GLRA2: variants seen among roughly 807,000 people sequenced by gnomAD.
GLRA2 encodes the protein glycine receptor subunit alpha-2.
A neutral mutation model predicts 31.6 loss-of-function variants in GLRA2; 11 were observed. The ratio of observed to expected loss-of-function variants is 0.35; its 90% CI spans 0.22 to 0.58. The LOEUF is 0.58. Among genes scored for constraint, GLRA2 ranks in the 20% least tolerant of loss-of-function variants. GLRA2 has a pLI of 0.84. For synonymous variants in GLRA2, 132 were observed against 134.0 expected (o/e 0.99, Z 0.10); for missense variants, 212 against 351.8 (o/e 0.60, Z 3.18).
the GLRA2 span, among the ~76,000 whole-genome samples, chrX:14,522,574 T>C: frequency 8.9e-6 from 1 of 112,443 alleles, no homozygotes; most frequent in African/African-American, 3.2e-5. Context: ...TCACTGTCTA[T>C]GGCAGCTATA....
intron 7 of GLRA2, among the ~76,000 whole-genome samples, chrX:14,660,670 G>T (rs778615668): frequency 1.8e-5 from 2 of 111,761 alleles, no homozygotes; most frequent in Admixed American, 1.9e-4. Context: ...GTGGAGAGAT[G>T]AGAAAGGGTC....
the GLRA2 span, among the ~76,000 whole-genome samples, chrX:14,514,220 A>G: frequency 9.1e-6 from 1 of 109,821 alleles, no homozygotes. Flanking sequence ...GCAAAGGCTT[A>G]AGAATAATAC....
chrX:14,679,041 G>C (rs1601823470), intron 7 of GLRA2, among the ~76,000 whole-genome samples: 1 of 111,110 alleles, frequency 9.0e-6, no homozygotes, highest in East Asian at 2.8e-4. Context: ...CCAGCTTACT[G>C]GTAGAGGAAA....
chrX:14,492,348 T>G, the GLRA2 span, among the ~76,000 whole-genome samples: 1 of 110,948 alleles, frequency 9.0e-6, no homozygotes, highest in Admixed American at 9.6e-5. Context: ...TGTGAGACTC[T>G]GCTTGAGGAA....
intron 8 of GLRA2, among the ~76,000 whole-genome samples, chrX:14,723,364 C>T (rs1226514213): frequency 1.8e-5 from 2 of 112,071 alleles, no homozygotes; most frequent in African/African-American, 6.5e-5. Context: ...TTGCTCTCTA[C>T]CTATACCACC....
At chrX:14,460,690 G>A in the GLRA2 span, among the ~76,000 whole-genome samples, 1 of 111,958 alleles carries the variant, frequency 8.9e-6, no homozygotes, top group Non-Finnish European at 1.9e-5. Flanking sequence ...TATTTCTGTG[G>A]AATCAGTGGT....
chrX:14,528,381 CAT>C (rs2089207826), upstream of GLRA2, among the ~76,000 whole-genome samples: 1 of 111,858 alleles, frequency 8.9e-6, no homozygotes, highest in Non-Finnish European at 1.9e-5. Context: ...AAAAATTAAT[CAT>C]ATTATTTTGT....
chrX:14,644,584 G>T (rs1435619648), intron 7 of GLRA2, among the ~76,000 whole-genome samples: 3 of 111,785 alleles, frequency 2.7e-5, no homozygotes, highest in Non-Finnish European at 5.6e-5. Context: ...AAAGCCCAGG[G>T]TGTCAAATCA....
the GLRA2 span, among the ~76,000 whole-genome samples, chrX:14,493,789 A>G: frequency 9.6e-6 from 1 of 103,879 alleles, no homozygotes; most frequent in South Asian, 4.2e-4. Context: ...ATAGACACAC[A>G]CACACACACA....
intron 2 of GLRA2, among the ~76,000 whole-genome samples, chrX:14,548,773 A>G (rs1331032722): frequency 1.8e-5 from 2 of 111,895 alleles, no homozygotes; most frequent in Non-Finnish European, 3.8e-5. Flanking sequence ...ACATGTTGAT[A>G]ATATTGGATA....
chrX:14,501,420 C>T, the GLRA2 span, among the ~76,000 whole-genome samples: 1 of 111,372 alleles, frequency 9.0e-6, no homozygotes, highest in African/African-American at 3.3e-5. Context: ...TGACCTGGTC[C>T]TCCTCCTTGA....
At chrX:14,674,514 T>C (rs1237163611) in intron 7 of GLRA2, among the ~76,000 whole-genome samples, 1 of 111,266 alleles carries the variant, frequency 9.0e-6, no homozygotes, top group Non-Finnish European at 1.9e-5. Flanking sequence ...GAGTGTTAAG[T>C]TTTATATAAA....
rs939324105 is a variant in GLRA2, at chrX:14,541,052, T to A, written c.202+8680T>A. On this transcript the variant is annotated intron_variant, in intron 2 of 8. Transcript: ENST00000218075. Reference sequence around the variant, plus strand: ...TACGAAAATAATTAATACAGTTTCCTTTCTGTCTGATTTAACATATTTGCT... The same window carrying A: ...TACGAAAATAATTAATACAGTTTCCATTCTGTCTGATTTAACATATTTGCT... 4.5e-5 allele frequency among the ~76,000 whole-genome samples: 5 copies of A among 111,611 alleles called. No homozygotes were observed. The South Asian group carries it at 1.1e-3, about 25-fold the overall frequency.
chrX:14,491,612 A>C, the GLRA2 span, among the ~76,000 whole-genome samples: 2 of 111,969 alleles, frequency 1.8e-5, no homozygotes, highest in East Asian at 5.6e-4. Flanking sequence ...CCCCAGAGAT[A>C]TGATTTCGAA....
intron 4 of GLRA2, among the ~76,000 whole-genome samples, chrX:14,584,768 G>A (rs1469508373): frequency 8.9e-6 from 1 of 111,967 alleles, no homozygotes. Context: ...TGGGACATAT[G>A]TGGAGTGTGG....
chrX:14,550,909 C>T (rs2089552768), intron 2 of GLRA2, among the ~76,000 whole-genome samples: 2 of 111,862 alleles, frequency 1.8e-5, no homozygotes, highest in African/African-American at 6.5e-5. Flanking sequence ...TTATTCCTCA[C>T]TGCACCCATG....
chrX:14,506,004 G>A, the GLRA2 span, among the ~76,000 whole-genome samples: 2 of 111,378 alleles, frequency 1.8e-5, no homozygotes, highest in Non-Finnish European at 3.8e-5. Flanking sequence ...TTTCAGAAGT[G>A]AATTAACTGT....
chrX:14,449,472 C>A, the GLRA2 span, among the ~76,000 whole-genome samples: 1 of 112,612 alleles, frequency 8.9e-6, no homozygotes, highest in Admixed American at 9.3e-5. Flanking sequence ...CAGCCATAGG[C>A]ACCCATCCCC....
chrX:14,730,450 A>G lies in GLRA2; in HGVS notation c.1324A>G (p.Lys442Glu). 1 of 1,207,968 alleles carries G rather than the reference A, an allele frequency of 8.3e-7. No individual in the cohort carries two copies. The highest frequency in any genetic ancestry group is 1.1e-6 in the Non-Finnish European group (1 of 892,355). The change falls in exon 9 of 9, where the codon AAG becomes GAG. Residue 442 changes from lysine to glutamate, a missense_variant. By Grantham distance (56) the Lys-to-Glu change is moderately conservative. Coordinates refer to ENST00000218075, the MANE Select transcript of GLRA2 (RefSeq NM_002063.4). The part of the protein sequence containing the change: ...IFNIFYWITY[K>E]IIRHEDVHKK Reference sequence around the variant, plus strand: ...CAACATCTTTTACTGGATCACATACAAGATCATTCGGCATGAAGATGTCCA... The same window carrying G: ...CAACATCTTTTACTGGATCACATACGAGATCATTCGGCATGAAGATGTCCA...
Sources: allele counts gnomAD v4.1 joint callset (sites outside exome capture counted in the v4.1 genomes callset), GRCh38; gene constraint gnomAD v4.1.1; transcripts MANE v1.5; gene names NCBI Gene and HGNC (gene_info 2026-07-23, HGNC 2026-07-21).